Variants in ADGRA2 observed in about 807,000 individuals in gnomAD.
ADGRA2 encodes the protein G-protein coupled receptor 124.
ADGRA2 carries 61 observed loss-of-function variants against 98.7 expected under a neutral mutation model. The ratio of observed to expected loss-of-function variants is 0.62; its 90% confidence interval spans 0.50 to 0.76. The LOEUF (loss-of-function observed/expected upper bound fraction) is 0.76, where lower values mean the gene tolerates loss of function less well. Ranked by LOEUF, ADGRA2 falls within the 30% of genes least tolerant of loss-of-function variation. The pLI is 0.00. For missense variants in ADGRA2, 1,712 were observed against 1,860.0 expected (o/e 0.92, Z 1.46); for synonymous variants, 858 against 831.5 (o/e 1.03, Z -0.55).
rs1259183039 is a variant in ADGRA2 at position 37,838,995 on chromosome 8, G to T, written c.2299G>T (p.Ala767Ser). The change falls in exon 15 of 19, where the codon GCA (alanine) becomes TCA (serine). Residue 767 changes from alanine to serine, a missense_variant. By Grantham distance (99) the Ala-to-Ser change is moderately conservative. Transcript: ENST00000412232. ...AFPREVGGAG[A>S]GLHPVVYPCT... ...TCCCAGGGAGGTGGGGGGCGCCGGGGCAGGGCTGCACCCCGTGGTATACCC... is the reference window on the plus strand; with the variant it reads ...TCCCAGGGAGGTGGGGGGCGCCGGGTCAGGGCTGCACCCCGTGGTATACCC... 6.9e-6 allele frequency: 11 copies of T among 1,586,210 alleles called. No individual in the cohort carries two copies. The highest frequency in any genetic ancestry group is 9.4e-6 in the Non-Finnish European group (11 of 1,166,456).
chr8:37,842,360 G>A lies in ADGRA2; in HGVS notation c.*5G>A. The A allele has an allele frequency of 6.8e-7, 1 of 1,464,598 alleles. No individual in the cohort carries two copies. The highest frequency in any genetic ancestry group is 9.0e-7 in the Non-Finnish European group (1 of 1,110,808). 90.7% of individuals were successfully genotyped at this position (1,464,598 alleles called of 1,614,324 possible). ...AAGAGCGAAACTACCGTCTAAGGTG[G>A]GGCGGGCGACGCGGTAGACGGGCTG... is the stretch of plus-strand genomic sequence containing the variant. On this transcript the variant is annotated 3_prime_UTR_variant, in exon 19 of 19. Transcript: ENST00000412232.
At chr8:37,811,200 A>C (rs1277060832) in intron 1 of ADGRA2, among the ~76,000 whole-genome samples, 3 of 103,066 alleles carry the variant, frequency 2.9e-5, no homozygotes, top group African/African-American at 8.1e-5. Flanking sequence ...ACGGAGTTTC[A>C]CTCTTGTCAC....
intron 14 of ADGRA2, 29 bp downstream of exon 14, chr8:37,837,968 G>T (rs1805669924): frequency 2.1e-6 from 3 of 1,441,060 alleles, no homozygotes; most frequent in Non-Finnish European, 2.7e-6. Flanking sequence ...GACAAGTCGG[G>T]GGGGCAGGGA....
At chr8:37,823,909 C>T (rs554192702) in intron 2 of ADGRA2, among the ~76,000 whole-genome samples, 5 of 151,952 alleles carry the variant, frequency 3.3e-5, no homozygotes, top group South Asian at 2.1e-4. Context: ...ATTTGTCTTT[C>T]TGCTATTGAG....
chr8:37,804,150 C>T (rs563157253), intron 1 of ADGRA2, among the ~76,000 whole-genome samples: 1 of 148,248 alleles, frequency 6.7e-6, no homozygotes, highest in East Asian at 2.0e-4. Flanking sequence ...CACACACACA[C>T]ACGGCTCTTA....
At position 37,802,680 on chromosome 8, in the gene ADGRA2, C is replaced by A. The variant is rs544450946; in HGVS notation, c.266+5146C>A. Reference sequence around the variant, plus strand: ...ACCACCCACTGGAGAAGCTGGAGGTCGCTAGCTCAGGATACAGGAATTCCA... The same window carrying A: ...ACCACCCACTGGAGAAGCTGGAGGTAGCTAGCTCAGGATACAGGAATTCCA... On this transcript the variant is annotated intron_variant, in intron 1 of 18. Transcript: ENST00000412232. The surrounding 1 kb of genome is among the most constrained non-coding windows in gnomAD (Gnocchi z 4.7). Among the ~76,000 whole-genome samples, 1 of 152,260 alleles carries A rather than the reference C, an allele frequency of 6.6e-6. No homozygotes were observed. The highest frequency in any genetic ancestry group is 2.4e-5 in the African/African-American group (1 of 41,536).
rs1259206949 is a variant in ADGRA2, at chr8:37,833,770, T to C, written c.1379T>C (p.Met460Thr). Residue 460 changes from methionine (M) to threonine (T), a missense_variant, in exon 10 of 19, where the codon ATG becomes ACG. Coordinates refer to ENST00000412232, the MANE Select transcript of ADGRA2 (RefSeq NM_032777.10). The part of the protein sequence containing the change: ...YTAEAASFSD[M>T]MDVVYVAQMI... ...GCCGAGGCCGCTAGCTTTTCAGACATGATGGATGTAGTCTATGTGGCTCAG... is the reference window on the plus strand; with the variant it reads ...GCCGAGGCCGCTAGCTTTTCAGACACGATGGATGTAGTCTATGTGGCTCAG... 4 of 1,614,012 alleles carry C rather than the reference T, an allele frequency of 2.5e-6. No individual in the cohort carries two copies. The highest frequency in any genetic ancestry group is 3.4e-6 in the Non-Finnish European group (4 of 1,180,014).
chr8:37,802,324 C>T lies in ADGRA2; in HGVS notation c.266+4790C>T, dbSNP rs1337526574. Among the ~76,000 whole-genome samples the T allele has an allele frequency of 1.3e-5, 2 of 152,280 alleles. No homozygotes were observed. Among genetic ancestry groups the T allele is most frequent in the South Asian group, 2.1e-4 (1 of 4,824 alleles). ...GTGGAGGGGCGGGCCCAGGCCGGCG[C>T]CTCCACCCCCTTCTCTTCCACCAGC... On this transcript the variant is annotated intron_variant, in intron 1 of 18. Transcript: ENST00000412232. This position sits in a 1 kb window ranked among gnomAD's most constrained non-coding sequence, Gnocchi z 4.7.
rs1037493222 is a variant in ADGRA2 at position 37,814,508 on chromosome 8, G to C, written c.267-388G>C. The stretch of plus-strand genomic sequence containing the variant: ...AGCCATTCTCCCCACCACTCTCTTC[G>C]GGATATTGGGTGAAGGGCTTGAGCA... On this transcript the variant is annotated intron_variant, in intron 1 of 18. Transcript: ENST00000412232. The surrounding 1 kb of genome is among the most constrained non-coding windows in gnomAD (Gnocchi z 4.3). Among the ~76,000 whole-genome samples, 1 of 152,200 alleles carries C rather than the reference G, an allele frequency of 6.6e-6. No homozygotes were observed. Among genetic ancestry groups the C allele is most frequent in the African/African-American group, 2.4e-5 (1 of 41,446 alleles).
rs978463872 is a variant in ADGRA2, at chr8:37,831,424, G to A, written c.934G>A (p.Glu312Lys). 18 of 1,610,224 alleles carry A rather than the reference G, an allele frequency of 1.1e-5. No homozygotes were observed. In the Admixed American group the frequency reaches 1.5e-4, roughly 13 times the overall value. ...LIHDCTFITS[E>K]LTLSHIGVWA... is the part of the protein sequence containing the mutation. ...GCCAGCTCCACCTGCCACCCGCAGTGAGCTGACGCTGTCTCACATCGGCGT... is the reference window on the plus strand; with the variant it reads ...GCCAGCTCCACCTGCCACCCGCAGTAAGCTGACGCTGTCTCACATCGGCGT... Residue 312 changes from glutamate to lysine, a missense_variant and splice_region_variant, in exon 8 of 19, where the codon GAG becomes AAG. By Grantham distance (56) the Glu-to-Lys change is moderately conservative. Coordinates refer to ENST00000412232, the MANE Select transcript of ADGRA2 (RefSeq NM_032777.10).
chr8:37,830,629 C>CCAAA lies in ADGRA2; in HGVS notation c.719-81_719-80insCAAA. 2.8e-6 allele frequency: 2 copies of CCAAA among 714,556 alleles called. No individual in the cohort carries two copies. Among genetic ancestry groups the CCAAA allele is most frequent in the Non-Finnish European group, 4.8e-6 (2 of 414,344 alleles). 44.3% of individuals were successfully genotyped at this position (714,556 alleles called of 1,614,324 possible). ...CCGAGGGCCCCGCCCCGCCCCACCC[C>CCAAA]ATCCTGCTGGACTCTCGCTCACACG... On this transcript the variant is annotated intron_variant, in intron 6 of 18. Coordinates refer to ENST00000412232, the MANE Select transcript of ADGRA2 (RefSeq NM_032777.10). The surrounding 1 kb of genome is among the most constrained non-coding windows in gnomAD (Gnocchi z 4.8).
At chr8:37,829,158 C>G in intron 3 of ADGRA2, 103 bp from the exon 4 acceptor site, 2 of 946,796 alleles carry the variant, frequency 2.1e-6, no homozygotes, top group Non-Finnish European at 3.4e-6. Flanking sequence ...CCTTTTTCAT[C>G]CCACCCCCCA....
rs2130029098 is a variant in ADGRA2 at position 37,834,189 on chromosome 8, A to T, written c.1608+61A>T. 30 of 1,438,626 alleles carry T rather than the reference A, an allele frequency of 2.1e-5. No homozygotes were observed. The South Asian group carries it at 3.4e-4, about 16-fold the overall frequency. 89.1% of individuals were successfully genotyped at this position (1,438,626 alleles called of 1,614,324 possible). ...GCAGAGGAGGGAGGCGCTCCCTCTC[A>T]GGCGTGCACCTGCCGTGCCCCAGCT... On this transcript the variant is annotated intron_variant, in intron 11 of 18. Transcript: ENST00000412232. This position sits in a 1 kb window ranked among gnomAD's most constrained non-coding sequence, Gnocchi z 4.2.
chr8:37,837,822 C>G lies in ADGRA2; in HGVS notation c.2142C>G (p.Ser714Arg). ...CCGAACCTGTGGCCGCTTGGTGGAG[C>G]CAGGAGGGGCCCGGGGAGGCTGGGG... ...EGAEPVAAWW[S>R]QEGPGEAGGW... Residue 714 changes from serine to arginine, a missense_variant, in exon 14 of 19, where the codon AGC becomes AGG. Transcript: ENST00000412232. The G allele has an allele frequency of 6.5e-7, 1 of 1,538,222 alleles. No individual in the cohort carries two copies. Among genetic ancestry groups the G allele is most frequent in the Non-Finnish European group, 8.8e-7 (1 of 1,140,654 alleles).
At chr8:37,835,940 TAAAG>T (rs1253749338) in intron 13 of ADGRA2, among the ~76,000 whole-genome samples, 170 bp downstream of exon 13, 1 of 151,772 alleles carries the variant, frequency 6.6e-6, no homozygotes, top group African/African-American at 2.4e-5. Flanking sequence ...AGATACCCCA[TAAAG>T]AAAGGGTCTG....
Position 37,814,751 on chromosome 8 carries a change from CG to C in ADGRA2, c.267-143del. 2 of 646,454 alleles carry C rather than the reference CG, an allele frequency of 3.1e-6. No homozygotes were observed. Among genetic ancestry groups the C allele is most frequent in the Non-Finnish European group, 5.7e-6 (2 of 353,604 alleles). The allele number at this position is 646,454 out of a possible 1,614,324, so 40.0% of individuals were successfully genotyped here. A position where few individuals can be genotyped will look rare whatever the true frequency, so the allele number is the denominator to read the frequency against. On this transcript the variant is annotated intron_variant, in intron 1 of 18. Transcript: ENST00000412232. This position sits in a 1 kb window ranked among gnomAD's most constrained non-coding sequence, Gnocchi z 4.3. Reference sequence around the variant, plus strand: ...TTGGCCAGCTTCTCCCTGTAATCTCCGGAAGTAGAGGGTGGGGGCTGCTGCC... The same window carrying C: ...TTGGCCAGCTTCTCCCTGTAATCTCCGAAGTAGAGGGTGGGGGCTGCTGCC...
chr8:37,830,895 C>G lies in ADGRA2; in HGVS notation c.904C>G (p.Leu302Val). The part of the protein sequence containing the change: ...EQAGILLAES[L>V]IHDCTFITSE... ...GGCGGGCATCCTCCTGGCCGAGAGCCTCATCCACGACTGCACCTTCATCAC... is the reference window on the plus strand; with the variant it reads ...GGCGGGCATCCTCCTGGCCGAGAGCGTCATCCACGACTGCACCTTCATCAC... The change falls in exon 7 of 19, where the codon CTC becomes GTC. Residue 302 changes from leucine (L) to valine (V), a missense_variant. Leu to Val is a conservative substitution (Grantham distance 32, BLOSUM62 1). Transcript: ENST00000412232. The surrounding 1 kb of genome is among the most constrained non-coding windows in gnomAD (Gnocchi z 4.8). 5 of 1,584,992 alleles carry G rather than the reference C, an allele frequency of 3.2e-6. No individual in the cohort carries two copies. Among genetic ancestry groups the G allele is most frequent in the Non-Finnish European group, 4.3e-6 (5 of 1,165,324 alleles).
At chr8:37,801,548 C>A (rs1283303493) in intron 1 of ADGRA2, among the ~76,000 whole-genome samples, 1 of 152,182 alleles carries the variant, frequency 6.6e-6, no homozygotes, top group Non-Finnish European at 1.5e-5. Flanking sequence ...ATAAGGAATT[C>A]CAGGAAAGGA....
chr8:37,804,138 C>CACAT (rs1804593377), intron 1 of ADGRA2, among the ~76,000 whole-genome samples: 1 of 135,188 alleles, frequency 7.4e-6, no homozygotes, highest in Non-Finnish European at 1.7e-5. Context: ...CACACACACA[C>CACAT]ACACACACAC....
Sources: gnomAD v4.1 joint callset for allele counts (sites outside exome capture counted in the v4.1 genomes callset) on GRCh38, gnomAD v4.1.1 for gene constraint, Gnocchi (gnomAD v3.1) non-coding constraint, MANE v1.5 for transcripts, NCBI Gene and HGNC (gene_info 2026-07-23, HGNC 2026-07-21) for gene names.